Variants in PLCG2 observed in about 807,000 individuals in gnomAD.
PLCG2 encodes 1-phosphatidylinositol 4,5-bisphosphate phosphodiesterase gamma-2.
PLCG2 carries 69 observed loss-of-function variants against 175.6 expected under a neutral mutation model. The observed-to-expected ratio is 0.39, with a 90% CI of 0.32 to 0.48. The LOEUF (loss-of-function observed/expected upper bound fraction) is 0.48. Among genes scored for constraint, PLCG2 ranks in the 20% least tolerant of loss-of-function variants. The probability of loss-of-function intolerance (pLI) is 0.91; values close to 1 mark genes in which losing one functional copy is unlikely to be tolerated. For synonymous variants in PLCG2, 827 were observed against 624.0 expected (o/e 1.33, Z -4.85); for missense variants, 1,798 against 1,650.9 (o/e 1.09, Z -1.54).
chr16:81,832,494 A>G (rs906532848), intron 2 of PLCG2, among the ~76,000 whole-genome samples: 8 of 152,108 alleles, frequency 5.3e-5, no homozygotes, highest in South Asian at 4.1e-4. Context: ...GGTTCAAGCT[A>G]TCTTCCCACC....
At chr16:81,788,379 C>A (rs1323653708) in intron 2 of PLCG2, among the ~76,000 whole-genome samples, 1 of 152,194 alleles carries the variant, frequency 6.6e-6, no homozygotes, top group East Asian at 1.9e-4. Flanking sequence ...CTCCCGGATT[C>A]ATGCCATTCT....
upstream of PLCG2, among the ~76,000 whole-genome samples, chr16:81,778,063 A>AACACAAAAAAAC (rs774506846): frequency 1.9e-5 from 2 of 104,830 alleles, no homozygotes; most frequent in Non-Finnish European, 3.9e-5. Flanking sequence ...AACAAAAAAA[A>AACACAAAAAAAC]CCAAAAACAC....
intron 8 of PLCG2, among the ~76,000 whole-genome samples, chr16:81,882,610 C>A (rs545954406): frequency 2.0e-5 from 3 of 152,114 alleles, no homozygotes; most frequent in East Asian, 1.9e-4. Flanking sequence ...TGCAATCCCT[C>A]CCTCTGGCCT....
rs183248088 is a variant in PLCG2 at position 81,889,285 on chromosome 16, G to A, written c.867+12G>A. 41 of 1,492,072 alleles carry A rather than the reference G, an allele frequency of 2.7e-5. No individual in the cohort carries two copies. In the East Asian group the frequency reaches 8.9e-4, roughly 32 times the overall value. 92.4% of individuals were successfully genotyped at this position (1,492,072 alleles called of 1,614,324 possible). A position where few individuals can be genotyped will look rare whatever the true frequency, so the allele number is the denominator to read the frequency against. The stretch of plus-strand genomic sequence containing the variant: ...TGTTTGTGGATGAGGTGAGTAGGCT[G>A]GGCTTGTTGTCGCTTGGGGGTGACT... On this transcript the variant is annotated intron_variant, in intron 10 of 32. Coordinates refer to ENST00000564138, the MANE Select transcript of PLCG2 (RefSeq NM_002661.5).
chr16:81,926,347 A>G (rs7201045), intron 22 of PLCG2, among the ~76,000 whole-genome samples: 111,272 of 152,066 alleles, frequency 0.73, 40,952 homozygotes, highest in East Asian at 0.82. Flanking sequence ...TGCGGAAAAT[A>G]GCTCAAGAGA....
intron 2 of PLCG2, among the ~76,000 whole-genome samples, chr16:81,790,157 G>T (rs1911167364): frequency 6.6e-6 from 1 of 152,194 alleles, no homozygotes; most frequent in South Asian, 2.1e-4. Context: ...AGGCTCGGCT[G>T]AATTCATAGT....
intron 2 of PLCG2, among the ~76,000 whole-genome samples, chr16:81,837,894 C>G (rs904839789): frequency 2.6e-5 from 4 of 152,094 alleles, no homozygotes; most frequent in African/African-American, 9.7e-5. Flanking sequence ...TCATAGAACC[C>G]ACTACCAGTC....
At chr16:81,752,436 T>C (rs1443491147) in intron 1 of PLCG2, among the ~76,000 whole-genome samples, 1 of 152,184 alleles carries the variant, frequency 6.6e-6, no homozygotes, top group Non-Finnish European at 1.5e-5. Flanking sequence ...CACTTCCTCT[T>C]TTTCCTGGGG....
At chr16:81,873,627 T>G (rs1204444638) in intron 7 of PLCG2, among the ~76,000 whole-genome samples, 1 of 152,178 alleles carries the variant, frequency 6.6e-6, no homozygotes, top group African/African-American at 2.4e-5. Flanking sequence ...CAGGCAAAGT[T>G]TGAAAATAAG....
At chr16:81,846,637 T>A (rs1162201968) in intron 2 of PLCG2, among the ~76,000 whole-genome samples, 1 of 152,198 alleles carries the variant, frequency 6.6e-6, no homozygotes, top group African/African-American at 2.4e-5. Context: ...CTTAAAAAGA[T>A]CATGAGTAGA....
intron 2 of PLCG2, among the ~76,000 whole-genome samples, chr16:81,824,190 A>G (rs111602780): frequency 9.3e-5 from 14 of 149,990 alleles, no homozygotes; most frequent in Admixed American, 2.7e-4. Flanking sequence ...CTGGAGTGCA[A>G]TGGCGTGATC....
At chr16:81,807,763 G>A (rs1383580710) in intron 2 of PLCG2, among the ~76,000 whole-genome samples, 2 of 152,204 alleles carry the variant, frequency 1.3e-5, no homozygotes, top group South Asian at 2.1e-4. Flanking sequence ...AGCATGGCTG[G>A]AGGGGCCCCA....
At chr16:81,743,545 G>A (rs766074131) in intron 1 of PLCG2, among the ~76,000 whole-genome samples, 34 of 152,230 alleles carry the variant, frequency 2.2e-4, no homozygotes, top group Admixed American at 3.9e-4. Context: ...GGGAGTGAAA[G>A]GGGTGAGGTT....
At chr16:81,862,275 C>G (rs575621136) in intron 5 of PLCG2, among the ~76,000 whole-genome samples, 5 of 152,356 alleles carry the variant, frequency 3.3e-5, no homozygotes, top group Admixed American at 3.3e-4. Context: ...AGGTGTTTTG[C>G]TTGGCCCAAG....
At chr16:81,935,957 A>C in intron 26 of PLCG2, 7 of 985,092 alleles carry the variant, frequency 7.1e-6, no homozygotes, top group Non-Finnish European at 8.4e-6. Context: ...AGGTGGTGGG[A>C]AAACTAGGCC....
chr16:81,879,098 T>C (rs1160696485), intron 7 of PLCG2, among the ~76,000 whole-genome samples: 1 of 151,998 alleles, frequency 6.6e-6, no homozygotes, highest in Non-Finnish European at 1.5e-5. Flanking sequence ...GGTGCGGGCT[T>C]TTTCTGTGCT....
intron 2 of PLCG2, among the ~76,000 whole-genome samples, chr16:81,837,450 G>C (rs907860925): frequency 1.3e-5 from 2 of 152,332 alleles, no homozygotes; most frequent in South Asian, 4.1e-4. Context: ...CTAGCTGGGC[G>C]GGAAATAGGA....
intron 3 of PLCG2, among the ~76,000 whole-genome samples, chr16:81,856,480 A>AT (rs2143481444): frequency 6.6e-6 from 1 of 152,296 alleles, no homozygotes; most frequent in East Asian, 1.9e-4. Context: ...CATGGGTATT[A>AT]GCAAGCCATA....
At chr16:81,953,102 G>A (rs113888605) in intron 31 of PLCG2, among the ~76,000 whole-genome samples, 3 of 152,122 alleles carry the variant, frequency 2.0e-5, no homozygotes, top group African/African-American at 7.2e-5. Flanking sequence ...AAAAGTTGCT[G>A]GACATTCATA....
Sources: gnomAD v4.1 joint callset for allele counts (sites outside exome capture counted in the v4.1 genomes callset) on GRCh38, gnomAD v4.1.1 for gene constraint, MANE v1.5 for transcripts, NCBI Gene and HGNC (gene_info 2026-07-23, HGNC 2026-07-21) for gene names.